PSD3: variants seen among roughly 807,000 people sequenced by gnomAD.
The protein encoded by PSD3 is PH and SEC7 domain-containing protein 3.
In PSD3, 49 loss-of-function variants were observed where a neutral mutation model predicts 105.5. That is an observed-to-expected ratio of 0.46 (90% confidence interval 0.37 to 0.59). The LOEUF (loss-of-function observed/expected upper bound fraction) is 0.59. Ranked by LOEUF, PSD3 falls within the 20% of genes least tolerant of loss-of-function variation. The pLI is 0.00. For synonymous variants in PSD3, 557 were observed against 457.8 expected, an observed-to-expected ratio of 1.22 and a Z score of -2.77; for missense variants, 1,561 against 1,263.8, an observed-to-expected ratio of 1.24 and a Z score of -3.57.
chr8:18,925,776 C>T (rs904174007), intron 2 of PSD3, among the ~76,000 whole-genome samples: 9 of 152,068 alleles, frequency 5.9e-5, no homozygotes, highest in Non-Finnish European at 1.2e-4. Flanking sequence ...GACTGGAGGA[C>T]GCATTTAAAA....
intron 9 of PSD3, among the ~76,000 whole-genome samples, chr8:18,682,617 G>C (rs1029812565): frequency 1.3e-5 from 2 of 152,190 alleles, no homozygotes; most frequent in African/African-American, 2.4e-5. Flanking sequence ...GCTAATGACG[G>C]AGGGGGTCAG....
At chr8:18,815,200 C>T (rs112821094) in intron 4 of PSD3, among the ~76,000 whole-genome samples, 2,396 of 152,284 alleles carry the variant, frequency 0.016, 61 homozygotes, top group African/African-American at 0.055. Context: ...CTAACTCTTC[C>T]ATCTTCTGGG....
intron 9 of PSD3, among the ~76,000 whole-genome samples, chr8:18,747,552 A>G (rs530531900): frequency 1.3e-5 from 2 of 152,320 alleles, no homozygotes; most frequent in African/African-American, 4.8e-5. Context: ...TTAAAGTGGG[A>G]AAATGAATGG....
At chr8:18,615,809 G>A (rs1322966497) in intron 11 of PSD3, among the ~76,000 whole-genome samples, 1 of 152,212 alleles carries the variant, frequency 6.6e-6, no homozygotes, top group East Asian at 1.9e-4. Flanking sequence ...AACCTCTGAA[G>A]CACCCCAGAA....
chr8:19,074,598 T>C (rs1347044234), intron 1 of PSD3, among the ~76,000 whole-genome samples: 1 of 35,192 alleles, frequency 2.8e-5, no homozygotes, highest in Non-Finnish European at 6.6e-5. Context: ...TATACATATA[T>C]ATATATATAT....
chr8:18,973,402 T>C (rs549166187), intron 1 of PSD3, among the ~76,000 whole-genome samples: 1 of 152,316 alleles, frequency 6.6e-6, no homozygotes, highest in South Asian at 2.1e-4. Flanking sequence ...CTGGGTTGGA[T>C]TCTGGTGGCG....
At chr8:18,768,382 G>A (rs1807210211) in intron 8 of PSD3, among the ~76,000 whole-genome samples, 1 of 152,148 alleles carries the variant, frequency 6.6e-6, no homozygotes, top group Non-Finnish European at 1.5e-5. Flanking sequence ...CAGGAAGGAG[G>A]ATCACTTGAG....
intron 11 of PSD3, among the ~76,000 whole-genome samples, chr8:18,619,475 C>T (rs1350458128): frequency 6.6e-6 from 1 of 152,004 alleles, no homozygotes; most frequent in Non-Finnish European, 1.5e-5. Context: ...TCTGACCCAC[C>T]TCTACTAAAA....
At chr8:18,627,314 T>C (rs1806557404) in intron 11 of PSD3, among the ~76,000 whole-genome samples, 1 of 152,050 alleles carries the variant, frequency 6.6e-6, no homozygotes. Flanking sequence ...CTAGAATTTG[T>C]AGAGCTGCGT....
chr8:19,048,542 CCG>C (rs1563529926), intron 1 of PSD3, among the ~76,000 whole-genome samples: 33 of 88,942 alleles, frequency 3.7e-4, no homozygotes, highest in Non-Finnish European at 9.6e-4. Context: ...GCTTGTATAT[CCG>C]TGGAAAAGAA....
chr8:18,738,716 T>C (rs1245597539), intron 9 of PSD3, among the ~76,000 whole-genome samples: 2 of 152,088 alleles, frequency 1.3e-5, no homozygotes, highest in African/African-American at 2.4e-5. Context: ...GACAGAGATA[T>C]AAACAGCATA....
intron 10 of PSD3, among the ~76,000 whole-genome samples, chr8:18,633,948 T>C (rs1406641887): frequency 6.6e-6 from 1 of 152,074 alleles, no homozygotes. Flanking sequence ...GCCTTTTTAA[T>C]AACAGCCATT....
intron 11 of PSD3, among the ~76,000 whole-genome samples, chr8:18,627,586 G>T (rs1391174112): frequency 6.6e-6 from 1 of 151,966 alleles, no homozygotes; most frequent in East Asian, 1.9e-4. Flanking sequence ...CTTATTAATG[G>T]AAATATTTAA....
At chr8:18,686,824 T>A (rs947949604) in intron 9 of PSD3, among the ~76,000 whole-genome samples, 9 of 152,176 alleles carry the variant, frequency 5.9e-5, no homozygotes, top group Non-Finnish European at 1.2e-4. Flanking sequence ...TGACCCTCCA[T>A]CTGCTGTCAT....
chr8:18,600,203 T>C (rs1205699579), intron 12 of PSD3, among the ~76,000 whole-genome samples, 161 bp downstream of exon 12: 1 of 152,156 alleles, frequency 6.6e-6, no homozygotes, highest in Non-Finnish European at 1.5e-5. Context: ...AAACTTAAAA[T>C]CGTTTATTTC....
chr8:19,023,713 A>G (rs1028738738), intron 1 of PSD3, among the ~76,000 whole-genome samples: 21 of 152,220 alleles, frequency 1.4e-4, no homozygotes, highest in African/African-American at 5.1e-4. Flanking sequence ...TTAGGATTCC[A>G]GGCATGAGCC....
intron 4 of PSD3, among the ~76,000 whole-genome samples, chr8:18,853,805 C>G (rs1815780574): frequency 6.6e-6 from 1 of 152,136 alleles, no homozygotes; most frequent in Non-Finnish European, 1.5e-5. Context: ...CACATGCAGT[C>G]TAGGAACACC....
At chr8:19,024,951 T>C (rs978431117) in intron 1 of PSD3, among the ~76,000 whole-genome samples, 1 of 152,164 alleles carries the variant, frequency 6.6e-6, no homozygotes, top group Non-Finnish European at 1.5e-5. Flanking sequence ...CTGTGAGCTA[T>C]TCTAGTAAAT....
At chr8:19,037,958 G>A (rs1563523464) in intron 1 of PSD3, among the ~76,000 whole-genome samples, 1 of 148,682 alleles carries the variant, frequency 6.7e-6, no homozygotes, top group Non-Finnish European at 1.5e-5. Context: ...CACATTAAAA[G>A]TATATATATA....
Sources: allele counts gnomAD v4.1 joint callset (sites outside exome capture counted in the v4.1 genomes callset), GRCh38; gene constraint gnomAD v4.1.1; transcripts MANE v1.5; gene names NCBI Gene and HGNC (gene_info 2026-07-23, HGNC 2026-07-21).